The following MAPK8IP2 variants were observed in gnomAD, a reference collection of about 807,000 sequenced individuals.
MAPK8IP2 encodes C-Jun-amino-terminal kinase-interacting protein 2.
A neutral mutation model predicts 75.6 loss-of-function variants in MAPK8IP2; 15 were observed. The ratio of observed to expected loss-of-function variants is 0.20; its 90% confidence interval spans 0.13 to 0.31. The LOEUF is 0.31. Ranked by LOEUF, MAPK8IP2 falls within the 10% of genes least tolerant of loss-of-function variation. The pLI is 1.00. For missense variants in MAPK8IP2, 1,089 were observed against 1,211.2 expected (o/e 0.90, Z 1.50); for synonymous variants, 632 against 554.5 (o/e 1.14, Z -1.96).
chr22:50,606,631 C>A, intron 8 of MAPK8IP2, 27 bp from the exon 9 acceptor site: 1 of 1,527,160 alleles, frequency 6.5e-7, no homozygotes, highest in South Asian at 1.2e-5. Context: ...TCCTCAAGAC[C>A]CTCTTCTCCC....
chr22:50,609,326 C>T (rs2071106230), intron 10 of MAPK8IP2, among the ~76,000 whole-genome samples: 1 of 152,134 alleles, frequency 6.6e-6, no homozygotes, highest in Non-Finnish European at 1.5e-5. Context: ...GCCTAGCTCT[C>T]CATCAGGGCC....
At position 50,605,706 on chromosome 22, in the gene MAPK8IP2, G is replaced by A. The variant is rs754876539; in HGVS notation, c.1986G>A (p.Ala662=). 2.5e-6 allele frequency: 4 copies of A among 1,610,462 alleles called. No homozygotes were observed. Among genetic ancestry groups the A allele is most frequent in the South Asian group, 1.1e-5 (1 of 90,756 alleles). ...TGTTTCCTGCCTTCTACGCCCATGC[G>A]GTGCCCGGCCCTGCCAAGGACCTGC... is the stretch of plus-strand genomic sequence containing the variant. ...RGVFPAFYAH[A]VPGPAKDLLG... is the part of the protein sequence containing the mutation. Residue 662 remains alanine, a synonymous_variant, in exon 7 of 12, where the codon GCG becomes GCA. Coordinates refer to ENST00000329492, the MANE Select transcript of MAPK8IP2 (RefSeq NM_012324.6).
chr22:50,601,242 C>T (rs2070932202), intron 1 of MAPK8IP2: 1 of 155,374 alleles, frequency 6.4e-6, no homozygotes, highest in Non-Finnish European at 1.4e-5. Context: ...GTCCCGGTGG[C>T]CTTGGCCTCT....
chr22:50,607,051 CG>C lies in MAPK8IP2; in HGVS notation c.2303+61del. ...CCCCCACAAACCCTGAGAGTCCAAC[CG>C]CCCCCTGAGTCCCCACAGACCCTGA... On this transcript the variant is annotated intron_variant, in intron 10 of 11. Transcript: ENST00000329492. The surrounding 1 kb of genome is among the most constrained non-coding windows in gnomAD (Gnocchi z 5.6). 1 of 1,417,242 alleles carries C rather than the reference CG, an allele frequency of 7.1e-7. No individual in the cohort carries two copies. Among genetic ancestry groups the C allele is most frequent in the Non-Finnish European group, 1.0e-6 (1 of 1,002,028 alleles). 87.8% of individuals were successfully genotyped at this position (1,417,242 alleles called of 1,614,324 possible).
intron 8 of MAPK8IP2, 112 bp from the exon 9 acceptor site, chr22:50,606,546 A>C (rs1272266576): frequency 1.2e-5 from 9 of 775,940 alleles, no homozygotes; most frequent in Non-Finnish European, 1.8e-5. Context: ...GGTCCTCAGC[A>C]TGTGTGTCCT....
rs763075562 is a variant in MAPK8IP2, at chr22:50,603,262, A to G, written c.211A>G (p.Ile71Val). 7 of 1,602,076 alleles carry G rather than the reference A, an allele frequency of 4.4e-6. No individual in the cohort carries two copies. Among genetic ancestry groups the G allele is most frequent in the Middle Eastern group, 1.6e-4 (1 of 6,074 alleles). ...GGGGCGCTCGGAGCAGCCGCACCCC[A>G]TCTGCTCCTTCCAGGATGACTTCCA... ...SLGRSEQPHPICSFQDDFQEF... is the reference protein window; with the variant it reads ...SLGRSEQPHPVCSFQDDFQEF... The change falls in exon 3 of 12, where the codon ATC becomes GTC. Residue 71 changes from isoleucine to valine, a missense_variant. Ile to Val is a conservative substitution (Grantham distance 29). Transcript: ENST00000329492.
In MAPK8IP2 at chr22:50,604,343, C is replaced by G; in HGVS notation, c.1044C>G (p.Pro348=). 2 of 1,535,236 alleles carry G rather than the reference C, an allele frequency of 1.3e-6. No homozygotes were observed. The highest frequency in any genetic ancestry group is 1.7e-6 in the Non-Finnish European group (2 of 1,146,474). Residue 348 remains proline, a synonymous_variant, in exon 5 of 12, where the codon CCC becomes CCG. Transcript: ENST00000329492. Reference sequence around the variant, plus strand: ...ACCTCAGCGAGGACGCGGACTCGCCCTGGCTGCTCAGCAACCTGGTGAGCC... The same window carrying G: ...ACCTCAGCGAGGACGCGGACTCGCCGTGGCTGCTCAGCAACCTGGTGAGCC... ...EPDLSEDADS[P]WLLSNLVSRM...
chr22:50,610,747 G>A lies in MAPK8IP2; in HGVS notation c.2443G>A (p.Ala815Thr), dbSNP rs762579318. 67 of 1,610,824 alleles carry A rather than the reference G, an allele frequency of 4.2e-5. No individual in the cohort carries two copies. Among genetic ancestry groups the A allele is most frequent in the Non-Finnish European group, 5.3e-5 (63 of 1,178,946 alleles). ...GTACTACCAAGAGCACCTGGCGTAC[G>A]CCTGCCCCACGGAGGACATCTACCT... is the stretch of plus-strand genomic sequence containing the variant. ...LEYYQEHLAYACPTEDIYLE is the reference protein window; with the variant it reads ...LEYYQEHLAYTCPTEDIYLE The change falls in exon 12 of 12, where the codon GCC becomes ACC. Residue 815 changes from alanine (A) to threonine (T), a missense_variant. This residue lies in a region of MAPK8IP2 where 129 missense variants were observed against 201.7 expected (regional missense o/e 0.64). Coordinates refer to ENST00000329492, the MANE Select transcript of MAPK8IP2 (RefSeq NM_012324.6). The surrounding 1 kb of genome is among the most constrained non-coding windows in gnomAD (Gnocchi z 4.3).
chr22:50,610,582 C>T lies in MAPK8IP2; in HGVS notation c.2403-125C>T, dbSNP rs372272506. 1.3e-6 allele frequency: 1 copy of T among 799,126 alleles called. No homozygotes were observed. Among genetic ancestry groups the T allele is most frequent in the Non-Finnish European group, 2.0e-6 (1 of 488,312 alleles). 49.5% of individuals were successfully genotyped at this position (799,126 alleles called of 1,614,324 possible). ...CACACTTGGGGGTGACATGGCCATG[C>T]CTGGGTGGGGGGTTATGGATGGCTG... On this transcript the variant is annotated intron_variant, in intron 11 of 11. Coordinates refer to ENST00000329492, the MANE Select transcript of MAPK8IP2 (RefSeq NM_012324.6). This position sits in a 1 kb window ranked among gnomAD's most constrained non-coding sequence, Gnocchi z 4.3.
Position 50,607,205 on chromosome 22 carries a change from G to T in MAPK8IP2, c.2303+214G>T, listed in dbSNP as rs924293286. On this transcript the variant is annotated intron_variant, in intron 10 of 11. Coordinates refer to ENST00000329492, the MANE Select transcript of MAPK8IP2 (RefSeq NM_012324.6). This position sits in a 1 kb window ranked among gnomAD's most constrained non-coding sequence, Gnocchi z 5.6. Reference sequence around the variant, plus strand: ...GTCAGACAGGCTTGCATCCAGTCTGGGTGGAGAGAGGCACACGGGCGAAGG... The same window carrying T: ...GTCAGACAGGCTTGCATCCAGTCTGTGTGGAGAGAGGCACACGGGCGAAGG... Among the ~76,000 whole-genome samples, 1 of 152,196 alleles carries T rather than the reference G, an allele frequency of 6.6e-6. No homozygotes were observed. The highest frequency in any genetic ancestry group is 1.5e-5 in the Non-Finnish European group (1 of 68,038).
rs776844542 is a variant in MAPK8IP2 at position 50,605,750 on chromosome 22, C to T, written c.2014+16C>T. The T allele has an allele frequency of 2.2e-5, 35 of 1,604,366 alleles. No individual in the cohort carries two copies. The highest frequency in any genetic ancestry group is 1.7e-4 in the Middle Eastern group (1 of 6,050). Reference sequence around the variant, plus strand: ...GACCTGCTGGGTGAGGTCCCAACCCCGAGGGGAGGCTTTTCACCCCAGATC... The same window carrying T: ...GACCTGCTGGGTGAGGTCCCAACCCTGAGGGGAGGCTTTTCACCCCAGATC... On this transcript the variant is annotated intron_variant, in intron 7 of 11. Transcript: ENST00000329492.
intron 3 of MAPK8IP2, 59 bp downstream of exon 3, chr22:50,603,557 GCAGCCAGCC>G: frequency 6.3e-7 from 1 of 1,577,410 alleles, no homozygotes; most frequent in Non-Finnish European, 8.6e-7. Flanking sequence ...CACCTGGGCT[GCAGCCAGCC>G]CTGCTCACCC....
intron 2 of MAPK8IP2, among the ~76,000 whole-genome samples, chr22:50,602,431 C>T (rs540695303): frequency 5.9e-5 from 9 of 152,344 alleles, no homozygotes; most frequent in African/African-American, 2.2e-4. Context: ...GGGAGTGGAA[C>T]AGGACAGCTG....
At chr22:50,600,966 C>T in intron 1 of MAPK8IP2, 83 bp downstream of exon 1, 1 of 410,702 alleles carries the variant, frequency 2.4e-6, no homozygotes, top group Non-Finnish European at 3.4e-6. Context: ...GACCCCCGTC[C>T]CCGCCGCCCC....
chr22:50,605,538 C>A, intron 6 of MAPK8IP2, 24 bp from the exon 7 acceptor site: 1 of 1,321,190 alleles, frequency 7.6e-7, no homozygotes, highest in Middle Eastern at 1.9e-4. Context: ...CCCCCCTCCC[C>A]AGTGACCTCT....
chr22:50,606,693 C>A lies in MAPK8IP2; in HGVS notation c.2160C>A (p.Arg720=). The A allele has an allele frequency of 6.3e-7, 1 of 1,598,592 alleles. No homozygotes were observed. Among genetic ancestry groups the A allele is most frequent in the Non-Finnish European group, 8.5e-7 (1 of 1,172,864 alleles). ...CCCGGAAACTGACCGTCCACCTGCG[C>A]CCTCCTGCCTCCTGTGACCTCGAGA... ...ATARKLTVHL[R]PPASCDLEIS... Residue 720 remains arginine, a synonymous_variant, in exon 9 of 12, where the codon CGC becomes CGA. Coordinates refer to ENST00000329492, the MANE Select transcript of MAPK8IP2 (RefSeq NM_012324.6).
rs1050814495 is a variant in MAPK8IP2, at chr22:50,610,568, G to A, written c.2403-139G>A. ...GGAGAGCTGAGGGTCACACTTGGGG[G>A]TGACATGGCCATGCCTGGGTGGGGG... On this transcript the variant is annotated intron_variant, in intron 11 of 11. Transcript: ENST00000329492. This position sits in a 1 kb window ranked among gnomAD's most constrained non-coding sequence, Gnocchi z 4.3. 9 of 742,926 alleles carry A rather than the reference G, an allele frequency of 1.2e-5. No homozygotes were observed. The South Asian group carries it at 1.3e-4, about 11-fold the overall frequency. 46.0% of individuals were successfully genotyped at this position (742,926 alleles called of 1,614,324 possible). A position where few individuals can be genotyped will look rare whatever the true frequency, so the allele number is the denominator to read the frequency against.
rs1049481815 is a variant in MAPK8IP2, at chr22:50,607,909, G to C, written c.2303+918G>C. 1.3e-5 allele frequency among the ~76,000 whole-genome samples: 2 copies of C among 152,144 alleles called. No homozygotes were observed. Among genetic ancestry groups the C allele is most frequent in the African/African-American group, 2.4e-5 (1 of 41,438 alleles). ...GCATAGGAGCAGCAGGCCAAGGGGG[G>C]CTGCCAGCTTCCCTCCAGGCACAGG... On this transcript the variant is annotated intron_variant, in intron 10 of 11. Transcript: ENST00000329492. The surrounding 1 kb of genome is among the most constrained non-coding windows in gnomAD (Gnocchi z 5.6).
Position 50,603,426 on chromosome 22 carries a change from C to A in MAPK8IP2, c.375C>A (p.Ile125=), listed in dbSNP as rs771305597. 3 of 1,570,326 alleles carry A rather than the reference C, an allele frequency of 1.9e-6. No individual in the cohort carries two copies. Among genetic ancestry groups the A allele is most frequent in the Non-Finnish European group, 2.6e-6 (3 of 1,156,812 alleles). Reference sequence around the variant, plus strand: ...AGGCACCTGCCCCCGGGCCCCTTATCCCCTCCCCTTCCGTGGAGGAGCCCC... The same window carrying A: ...AGGCACCTGCCCCCGGGCCCCTTATACCCTCCCCTTCCGTGGAGGAGCCCC... ...GSEAPAPGPL[I]PSPSVEEPHK... Residue 125 remains isoleucine (I), a synonymous_variant, in exon 3 of 12, where the codon ATC becomes ATA. Coordinates refer to ENST00000329492, the MANE Select transcript of MAPK8IP2 (RefSeq NM_012324.6).
Sources: gnomAD v4.1 joint callset for allele counts (sites outside exome capture counted in the v4.1 genomes callset) on GRCh38, gnomAD v4.1.1 for gene constraint, gnomAD v4.1.1 regional missense constraint, Gnocchi (gnomAD v3.1) non-coding constraint, MANE v1.5 for transcripts, NCBI Gene and HGNC (gene_info 2026-07-23, HGNC 2026-07-21) for gene names.